RBFOX1: variants seen among roughly 807,000 people sequenced by gnomAD.
The protein encoded by RBFOX1 is RNA binding protein fox-1 homolog 1.
RBFOX1 carries 8 observed loss-of-function variants against 57.7 expected under a neutral mutation model. The ratio of observed to expected loss-of-function variants is 0.14; its 90% CI spans 0.08 to 0.25. The LOEUF is 0.25. RBFOX1 is among the 10% of genes least tolerant of loss of function. RBFOX1 has a pLI of 1.00. For missense variants in RBFOX1, 611 were observed against 548.5 expected (o/e 1.11, Z -1.14); for synonymous variants, 326 against 222.4 (o/e 1.47, Z -4.15).
chr16:7,019,975 C>G (rs1044618350), intron 3 of RBFOX1, among the ~76,000 whole-genome samples: 1 of 149,036 alleles, frequency 6.7e-6, no homozygotes, highest in African/African-American at 2.6e-5. Context: ...TCTTCTGGCT[C>G]TCTCTTTTTT....
chr16:7,206,846 C>T (rs1017393180), intron 4 of RBFOX1, among the ~76,000 whole-genome samples: 10 of 151,718 alleles, frequency 6.6e-5, no homozygotes, highest in African/African-American at 2.2e-4. Flanking sequence ...CAATTCTCTT[C>T]TTATCAGAAA....
chr16:5,275,920 A>G (rs1282698197), intron 1 of RBFOX1, among the ~76,000 whole-genome samples: 1 of 152,216 alleles, frequency 6.6e-6, no homozygotes, highest in Non-Finnish European at 1.5e-5. Context: ...AAAGTAAACA[A>G]AAGCAAAGTA....
At chr16:5,352,036 C>G (rs1453424840) in intron 1 of RBFOX1, among the ~76,000 whole-genome samples, 1 of 152,192 alleles carries the variant, frequency 6.6e-6, no homozygotes, top group East Asian at 1.9e-4. Context: ...GAACTCCTGA[C>G]CTCAGGTGAT....
intron 2 of RBFOX1, among the ~76,000 whole-genome samples, chr16:5,520,273 C>T (rs552665616): frequency 1.0e-3 from 157 of 152,252 alleles, no homozygotes; most frequent in Non-Finnish European, 2.0e-3. Flanking sequence ...AATTCCTACC[C>T]ATTAGAAAAT....
At chr16:6,407,871 A>G (rs1419966429) in intron 2 of RBFOX1, among the ~76,000 whole-genome samples, 2 of 152,096 alleles carry the variant, frequency 1.3e-5, no homozygotes, top group Admixed American at 6.5e-5. Flanking sequence ...GTAGATCCCC[A>G]CTATGTTCTG....
intron 4 of RBFOX1, among the ~76,000 whole-genome samples, chr16:7,326,450 G>C (rs555296450): frequency 6.6e-6 from 1 of 152,214 alleles, no homozygotes; most frequent in Admixed American, 6.5e-5. Context: ...ACATCTGTAT[G>C]GGGTGTTGGT....
chr16:7,205,440 C>A (rs929425912), intron 4 of RBFOX1, among the ~76,000 whole-genome samples: 1 of 151,074 alleles, frequency 6.6e-6, no homozygotes, highest in African/African-American at 2.4e-5. Context: ...ATGGCTTGAA[C>A]CCAGGAGGTG....
At chr16:6,675,794 C>T (rs1260725129) in intron 3 of RBFOX1, among the ~76,000 whole-genome samples, 2 of 152,084 alleles carry the variant, frequency 1.3e-5, no homozygotes, top group South Asian at 2.1e-4. Context: ...TATGGGAAAA[C>T]CACTGCTACG....
chr16:6,480,072 C>G (rs922768872), intron 2 of RBFOX1, among the ~76,000 whole-genome samples: 10 of 145,090 alleles, frequency 6.9e-5, no homozygotes, highest in African/African-American at 2.6e-4. Context: ...AAAAAAATCA[C>G]TGGTCTAGAA....
intron 7 of RBFOX1, among the ~76,000 whole-genome samples, chr16:7,594,619 G>A (rs2094598340): frequency 6.6e-6 from 1 of 152,138 alleles, no homozygotes; most frequent in Admixed American, 6.5e-5. Flanking sequence ...TGTACCTGTG[G>A]TAAATTAAAA....
chr16:7,413,132 G>A (rs1052432704), intron 4 of RBFOX1, among the ~76,000 whole-genome samples: 6 of 151,806 alleles, frequency 4.0e-5, no homozygotes, highest in Middle Eastern at 3.2e-3. Context: ...CAGTGATGGG[G>A]AAAAAAAATG....
intron 3 of RBFOX1, among the ~76,000 whole-genome samples, chr16:6,995,253 G>T (rs959267863): frequency 6.9e-6 from 1 of 145,526 alleles, no homozygotes. Context: ...AGTCAAACCT[G>T]TATTGATTAC....
chr16:5,502,334 T>TGGATGGGGACACTGTAAGGGTG (rs2043227682), intron 2 of RBFOX1, among the ~76,000 whole-genome samples: 1 of 151,988 alleles, frequency 6.6e-6, no homozygotes, highest in Non-Finnish European at 1.5e-5. Context: ...TGTGTCCCAG[T>TGGATGGGGACACTGTAAGGGTG]GGATGGGGAC....
chr16:6,684,413 A>C (rs773037434), intron 3 of RBFOX1, among the ~76,000 whole-genome samples: 16 of 152,216 alleles, frequency 1.1e-4, no homozygotes, highest in Non-Finnish European at 2.4e-4. Flanking sequence ...CCCCCAGTTT[A>C]AGTATCATAG....
chr16:7,319,966 G>C (rs756237730), intron 4 of RBFOX1, among the ~76,000 whole-genome samples: 13 of 152,132 alleles, frequency 8.5e-5, no homozygotes, highest in Admixed American at 2.0e-4. Flanking sequence ...CTAGGAAAGG[G>C]TTTGTTAAAA....
chr16:7,207,610 C>T (rs964328029), intron 4 of RBFOX1, among the ~76,000 whole-genome samples: 1 of 152,166 alleles, frequency 6.6e-6, no homozygotes, highest in Non-Finnish European at 1.5e-5. Context: ...GACAGCAAAA[C>T]AGTGCTCCTT....
rs187771023 is a variant in RBFOX1, at chr16:6,999,357, A to G, written c.-15-52700A>G. Among the ~76,000 whole-genome samples the G allele has an allele frequency of 2.3e-3, 343 of 151,526 alleles. 4 individuals carry two copies. The highest frequency in any genetic ancestry group is 4.1e-3 in the Non-Finnish European group (278 of 67,868). Reference sequence around the variant, plus strand: ...CAGGCATGAGCCGTTGTGCCTGGCCAGGAGCTACATTTTTACTCCAGATTC... The same window carrying G: ...CAGGCATGAGCCGTTGTGCCTGGCCGGGAGCTACATTTTTACTCCAGATTC... On this transcript the variant is annotated intron_variant, in intron 3 of 15. Transcript: ENST00000550418.
At chr16:6,995,540 G>T (rs1175384717) in intron 3 of RBFOX1, among the ~76,000 whole-genome samples, 4 of 152,174 alleles carry the variant, frequency 2.6e-5, no homozygotes. Context: ...CAAGGAGGGT[G>T]GATCACCTTA....
At position 5,827,402 on chromosome 16, in the gene RBFOX1, G is replaced by GAAAAAAA. The variant is rs374545272; in HGVS notation, c.319-39901_319-39900insAAAAAAA. ...ATGACAGAGCAAGACTCCATCTCAGGGAAAAAAAAAAAAAAAAAAGAAAAG... is the reference window on the plus strand; with the variant it reads ...ATGACAGAGCAAGACTCCATCTCAGGAAAAAAAGAAAAAAAAAAAAAAAAAAGAAAAG... On this transcript the variant is annotated intron_variant, in intron 3 of 19. Transcript: ENST00000641259. Among the ~76,000 whole-genome samples, 53 of 100,376 alleles carry GAAAAAAA rather than the reference G, an allele frequency of 5.3e-4. 4 individuals are homozygous for GAAAAAAA. The highest frequency in any genetic ancestry group is 6.9e-4 in the Non-Finnish European group (34 of 49,444). The allele number at this position is 100,376 out of a possible 152,430, so 65.9% of individuals were successfully genotyped here.
Sources: gnomAD v4.1 joint callset for allele counts (sites outside exome capture counted in the v4.1 genomes callset) on GRCh38, gnomAD v4.1.1 for gene constraint, MANE v1.5 for transcripts, NCBI Gene and HGNC (gene_info 2026-07-23, HGNC 2026-07-21) for gene names.